Variants in RAB27A observed in about 807,000 individuals in gnomAD.
RAB27A encodes the protein ras-related protein Rab-27A.
RAB27A carries 17 observed loss-of-function variants against 20.8 expected under a neutral mutation model. The observed-to-expected ratio is 0.82, with a 90% CI of 0.56 to 1.23. The LOEUF (loss-of-function observed/expected upper bound fraction) is 1.23, where lower values mean the gene tolerates loss of function less well. Among genes scored for constraint, RAB27A ranks in the 50% most tolerant of loss-of-function variants. RAB27A has a pLI of 0.00. For missense variants in RAB27A, 277 were observed against 266.7 expected (o/e 1.04, Z -0.27); for synonymous variants, 85 against 92.8 (o/e 0.92, Z 0.48).
chr15:55,233,871 T>C lies in RAB27A; in HGVS notation c.153+911A>G, dbSNP rs143488852. Among the ~76,000 whole-genome samples the C allele has an allele frequency of 9.8e-4, 150 of 152,324 alleles. 1 individual carries two copies. Among genetic ancestry groups the C allele is most frequent in the Middle Eastern group, 3.4e-3 (1 of 294 alleles). Reference sequence around the variant, plus strand: ...TAAGTAACCAACAAAAATAATCACATACATATATGTAGATTCTATCAACTA... The same window carrying C: ...TAAGTAACCAACAAAAATAATCACACACATATATGTAGATTCTATCAACTA... On this transcript the variant is annotated intron_variant, in intron 3 of 6. Coordinates refer to ENST00000336787, the MANE Select transcript of RAB27A (RefSeq NM_183235.3).
In RAB27A at chr15:55,276,556, T is replaced by C. The variant is rs78609713; in HGVS notation, c.-142-6272A>G. 5.2e-3 allele frequency among the ~76,000 whole-genome samples: 796 copies of C among 151,878 alleles called. 14 individuals carry two copies. The highest frequency in any genetic ancestry group is 0.018 in the African/African-American group (734 of 41,364). On this transcript the variant is annotated intron_variant, in intron 1 of 6. Transcript: ENST00000336787. The stretch of plus-strand genomic sequence containing the variant: ...CTGCACTCCAGCCCGGGCAGCGGAG[T>C]AAGATCTTGTTTCTAAAAGAAAAAA...
intron 5 of RAB27A, among the ~76,000 whole-genome samples, chr15:55,226,944 A>T (rs1162744929): frequency 6.6e-6 from 1 of 152,156 alleles, no homozygotes; most frequent in Non-Finnish European, 1.5e-5. Context: ...AGAAAAAAAT[A>T]AAAGTACAGA....
intron 1 of RAB27A, among the ~76,000 whole-genome samples, chr15:55,272,179 C>T (rs1344613239): frequency 6.6e-6 from 1 of 152,090 alleles, no homozygotes; most frequent in Admixed American, 6.6e-5. Context: ...ATTCAATATT[C>T]CTGTAGGGGG....
At chr15:55,236,895 AT>A (rs1425792339) in intron 2 of RAB27A, among the ~76,000 whole-genome samples, 3 of 152,260 alleles carry the variant, frequency 2.0e-5, no homozygotes, top group African/African-American at 7.2e-5. Flanking sequence ...TACACAATAC[AT>A]TTTTGTTAAC....
chr15:55,293,040 C>A (rs139760971), upstream of RAB27A, among the ~76,000 whole-genome samples: 43 of 152,272 alleles, frequency 2.8e-4, no homozygotes, highest in African/African-American at 9.9e-4. Flanking sequence ...ATCTCTACGC[C>A]ACTTCTTACT....
In RAB27A at chr15:55,275,918, T is replaced by TAAAAA. The variant is rs60106785; in HGVS notation, c.-142-5639_-142-5635dup. On this transcript the variant is annotated intron_variant, in intron 1 of 6. Transcript: ENST00000336787. ...CCTCACATCTGCTAGGATGGCTAATTAAAAAAAAAAAAAAAAAAAAAACAA... is the reference window on the plus strand; with the variant it reads ...CCTCACATCTGCTAGGATGGCTAATTAAAAAAAAAAAAAAAAAAAAAAAAAAACAA... Among the ~76,000 whole-genome samples, 222 of 104,056 alleles carry TAAAAA rather than the reference T, an allele frequency of 2.1e-3. 7 individuals are homozygous for TAAAAA. The highest frequency in any genetic ancestry group is 4.1e-3 in the South Asian group (12 of 2,938). The allele number at this position is 104,056 out of a possible 152,430, so 68.3% of individuals were successfully genotyped here.
At chr15:55,306,116 G>A (rs776907710) in intron 2 of RAB27A, among the ~76,000 whole-genome samples, 1 of 152,172 alleles carries the variant, frequency 6.6e-6, no homozygotes, top group Non-Finnish European at 1.5e-5. Flanking sequence ...ATTCGTGGGG[G>A]GGAGTTACCC....
rs747616660 is a variant in RAB27A at position 55,214,994 on chromosome 15, G to A, written c.467+8895C>T. Among the ~76,000 whole-genome samples the A allele has an allele frequency of 4.9e-4, 74 of 152,172 alleles. No homozygotes were observed. The Middle Eastern group carries it at 0.01, about 21-fold the overall frequency. On this transcript the variant is annotated intron_variant, in intron 6 of 6. Coordinates refer to ENST00000336787, the MANE Select transcript of RAB27A (RefSeq NM_183235.3). ...TCCACAGAACATTTCTTATACTTAA[G>A]GAGAGGGTTTGACCATTCTATCACC...
chr15:55,242,591 G>A (rs1896535538), intron 2 of RAB27A, among the ~76,000 whole-genome samples: 1 of 152,118 alleles, frequency 6.6e-6, no homozygotes, highest in Non-Finnish European at 1.5e-5. Flanking sequence ...TCATTAGCAA[G>A]GCATGTAATT....
intron 2 of RAB27A, among the ~76,000 whole-genome samples, chr15:55,308,519 G>C (rs918983067): frequency 6.6e-6 from 1 of 152,158 alleles, no homozygotes; most frequent in Non-Finnish European, 1.5e-5. Context: ...CCTGCTTTTT[G>C]AAGTCCTTTT....
intron 2 of RAB27A, among the ~76,000 whole-genome samples, chr15:55,248,598 T>C (rs977199931): frequency 2.5e-4 from 38 of 152,294 alleles, no homozygotes; most frequent in Middle Eastern, 3.4e-3. Context: ...CCAGTTTTGG[T>C]TTCACCATAA....
chr15:55,225,303 T>C (rs1895753630), intron 5 of RAB27A, among the ~76,000 whole-genome samples: 1 of 152,230 alleles, frequency 6.6e-6, no homozygotes, highest in Non-Finnish European at 1.5e-5. Context: ...TGCCATTTAC[T>C]AGCTGTGTGA....
intron 2 of RAB27A, among the ~76,000 whole-genome samples, chr15:55,304,703 A>C (rs2054990128): frequency 6.6e-6 from 1 of 152,216 alleles, no homozygotes; most frequent in Non-Finnish European, 1.5e-5. Context: ...TTCTTGGCTG[A>C]ATAATATTCC....
upstream of RAB27A, chr15:55,290,253 G>T (rs933133704): frequency 1.3e-5 from 2 of 152,218 alleles, no homozygotes; most frequent in African/African-American, 2.4e-5. Context: ...TACTCACGCC[G>T]GCCCCGCCCG....
intron 1 of RAB27A, among the ~76,000 whole-genome samples, chr15:55,275,619 C>T (rs1408335938): frequency 1.3e-5 from 2 of 150,458 alleles, no homozygotes; most frequent in Non-Finnish European, 3.0e-5. Flanking sequence ...AATGACACTC[C>T]ACCTCAAAAA....
intron 1 of RAB27A, among the ~76,000 whole-genome samples, chr15:55,276,313 C>T (rs1437935310): frequency 6.6e-6 from 1 of 152,112 alleles, no homozygotes; most frequent in Non-Finnish European, 1.5e-5. Context: ...CCACCTGTGA[C>T]AATACAGATA....
intron 2 of RAB27A, among the ~76,000 whole-genome samples, chr15:55,313,693 G>A (rs2055030539): frequency 6.6e-6 from 1 of 152,292 alleles, no homozygotes; most frequent in East Asian, 1.9e-4. Context: ...GGCCAACAGG[G>A]TGAAACCCCG....
intron 6 of RAB27A, among the ~76,000 whole-genome samples, chr15:55,223,575 C>T (rs561737636): frequency 6.6e-6 from 1 of 151,954 alleles, no homozygotes; most frequent in African/African-American, 2.4e-5. Context: ...TTCTTTACCC[C>T]AGGAGTCTCC....
intron 4 of RAB27A, among the ~76,000 whole-genome samples, chr15:55,229,016 C>T (rs1895928692): frequency 6.6e-6 from 1 of 152,100 alleles, no homozygotes; most frequent in South Asian, 2.1e-4. Flanking sequence ...TGTATGTTTT[C>T]CTATTGTGAA....
Sources: gnomAD v4.1 joint callset for allele counts (sites outside exome capture counted in the v4.1 genomes callset) on GRCh38, gnomAD v4.1.1 for gene constraint, MANE v1.5 for transcripts, NCBI Gene and HGNC (gene_info 2026-07-23, HGNC 2026-07-21) for gene names.